Variants in TTLL11 observed in about 807,000 individuals in gnomAD.
The protein encoded by TTLL11 is tubulin tyrosine ligase like 11.
Under a neutral mutation model 51.7 loss-of-function variants are expected in TTLL11, and 42 were observed. The ratio of observed to expected loss-of-function variants is 0.81; its 90% CI spans 0.64 to 1.05. TTLL11 has a LOEUF of 1.05. Ranked by LOEUF, TTLL11 falls within the 50% of genes least tolerant of loss-of-function variation. TTLL11 has a pLI of 0.00. For missense variants in TTLL11, 799 were observed against 940.4 expected, an observed-to-expected ratio of 0.85 and a Z score of 1.97; for synonymous variants, 381 against 383.5, an observed-to-expected ratio of 0.99 and a Z score of 0.08.
At chr9:121,943,892 T>G (rs375667869) in intron 6 of TTLL11, among the ~76,000 whole-genome samples, 12 of 152,332 alleles carry the variant, frequency 7.9e-5, no homozygotes, top group African/African-American at 1.9e-4. Flanking sequence ...AGAAAATGTT[T>G]GTTGAATAAG....
chr9:122,090,354 G>A (rs892868629), intron 1 of TTLL11, among the ~76,000 whole-genome samples: 12 of 151,974 alleles, frequency 7.9e-5, no homozygotes, highest in African/African-American at 2.7e-4. Context: ...AAATCCCATC[G>A]CATGGCACAT....
At chr9:121,920,492 C>G (rs1462170852) in intron 6 of TTLL11, among the ~76,000 whole-genome samples, 3 of 152,206 alleles carry the variant, frequency 2.0e-5, no homozygotes, top group Admixed American at 2.0e-4. Context: ...AAGGACGTCA[C>G]TAGGCAGCAA....
At chr9:122,078,780 T>C (rs1192452587) in intron 1 of TTLL11, among the ~76,000 whole-genome samples, 1 of 152,140 alleles carries the variant, frequency 6.6e-6, no homozygotes, top group Non-Finnish European at 1.5e-5. Flanking sequence ...AACCCCTATC[T>C]GTGTAGGTCT....
chr9:121,955,919 T>C (rs920216876), intron 6 of TTLL11, among the ~76,000 whole-genome samples: 2 of 152,166 alleles, frequency 1.3e-5, no homozygotes, highest in African/African-American at 2.4e-5. Context: ...ACAGTGAAAT[T>C]TGGGAGTGGA....
At chr9:122,020,980 A>G (rs1844158132) in intron 3 of TTLL11, among the ~76,000 whole-genome samples, 1 of 152,260 alleles carries the variant, frequency 6.6e-6, no homozygotes. Context: ...AAAAACACTC[A>G]GCAAATGTTG....
chr9:122,033,899 A>T (rs1167168803), intron 2 of TTLL11, among the ~76,000 whole-genome samples: 1 of 152,242 alleles, frequency 6.6e-6, no homozygotes, highest in Admixed American at 6.5e-5. Context: ...CTTCCCAAGA[A>T]GGGAGTCTGG....
chr9:121,929,685 G>A (rs1840895291), intron 6 of TTLL11, among the ~76,000 whole-genome samples: 1 of 152,188 alleles, frequency 6.6e-6, no homozygotes, highest in Admixed American at 6.5e-5. Flanking sequence ...ACAAGGCAAG[G>A]CCTTAAGGAC....
chr9:121,969,593 C>A (rs1184903138), intron 6 of TTLL11, among the ~76,000 whole-genome samples: 1 of 152,162 alleles, frequency 6.6e-6, no homozygotes, highest in African/African-American at 2.4e-5. Context: ...GTCTTGCTGA[C>A]AAACTGTTCT....
chr9:121,864,507 T>G (rs1196291282), intron 7 of TTLL11, among the ~76,000 whole-genome samples: 2 of 152,166 alleles, frequency 1.3e-5, no homozygotes, highest in African/African-American at 2.4e-5. Context: ...TGAACCTTGG[T>G]TTTGCTGCGT....
At chr9:122,028,814 C>T (rs186984105) in intron 3 of TTLL11, among the ~76,000 whole-genome samples, 160 of 152,228 alleles carry the variant, frequency 1.1e-3, no homozygotes, top group African/African-American at 3.7e-3. Flanking sequence ...TGAGATAATA[C>T]AGAATATACT....
chr9:122,084,285 G>C (rs992854308), intron 1 of TTLL11, among the ~76,000 whole-genome samples: 3 of 152,166 alleles, frequency 2.0e-5, no homozygotes, highest in Non-Finnish European at 4.4e-5. Context: ...AAGCATATGG[G>C]AGAGGGAAGG....
intron 6 of TTLL11, among the ~76,000 whole-genome samples, chr9:121,964,601 A>G (rs985256968): frequency 4.6e-5 from 7 of 151,898 alleles, no homozygotes; most frequent in Non-Finnish European, 1.0e-4. Context: ...CTGGCCTCAA[A>G]TTTCTTGACA....
intron 6 of TTLL11, among the ~76,000 whole-genome samples, chr9:121,878,299 C>G (rs1220590615): frequency 6.6e-6 from 1 of 152,156 alleles, no homozygotes. Flanking sequence ...GGGCTTGTAA[C>G]TGTCCTCAAT....
At chr9:121,834,859 C>T (rs926422531) in intron 8 of TTLL11, among the ~76,000 whole-genome samples, 1 of 151,682 alleles carries the variant, frequency 6.6e-6, no homozygotes, top group East Asian at 1.9e-4. Flanking sequence ...GGCACAAGTG[C>T]TTCCCATCAT....
At chr9:121,932,564 T>C (rs1841029971) in intron 6 of TTLL11, among the ~76,000 whole-genome samples, 2 of 152,204 alleles carry the variant, frequency 1.3e-5, no homozygotes, top group Non-Finnish European at 2.9e-5. Context: ...GGAAGCGCCA[T>C]TCCCCACCTC....
At chr9:122,050,145 T>C (rs1845118665) in intron 1 of TTLL11, among the ~76,000 whole-genome samples, 1 of 152,124 alleles carries the variant, frequency 6.6e-6, no homozygotes, top group Non-Finnish European at 1.5e-5. Context: ...AAAACAATAG[T>C]AATAAAACCT....
At chr9:121,988,557 C>T (rs529662781) in intron 4 of TTLL11, among the ~76,000 whole-genome samples, 1 of 152,162 alleles carries the variant, frequency 6.6e-6, no homozygotes, top group African/African-American at 2.4e-5. Context: ...CCTACCCCTA[C>T]CCAGTTTCTC....
chr9:121,986,827 C>T (rs1384794564), intron 4 of TTLL11, among the ~76,000 whole-genome samples: 5 of 152,010 alleles, frequency 3.3e-5, no homozygotes, highest in African/African-American at 4.8e-5. Flanking sequence ...TCCGTTCTCA[C>T]TTCTTGTCCC....
intron 6 of TTLL11, among the ~76,000 whole-genome samples, chr9:121,922,329 C>T (rs2131528031): frequency 6.6e-6 from 1 of 152,272 alleles, no homozygotes; most frequent in South Asian, 2.1e-4. Context: ...TACTTATCAT[C>T]TGTGGCCCTG....
Sources: allele counts gnomAD v4.1 joint callset (sites outside exome capture counted in the v4.1 genomes callset), GRCh38; gene constraint gnomAD v4.1.1; transcripts MANE v1.5; gene names NCBI Gene and HGNC (gene_info 2026-07-23, HGNC 2026-07-21).